LOXL2: variants seen among roughly 807,000 people sequenced by gnomAD.
The protein encoded by LOXL2 is lysyl oxidase like 2.
In LOXL2, 70 loss-of-function variants were observed where a neutral mutation model predicts 93.0. The ratio of observed to expected loss-of-function variants is 0.75; its 90% CI spans 0.62 to 0.92. The LOEUF is 0.92. Among genes scored for constraint, LOXL2 ranks in the 40% least tolerant of loss-of-function variants. The pLI is 0.00. For synonymous variants in LOXL2, 438 were observed against 413.2 expected (o/e 1.06, Z -0.73); for missense variants, 973 against 1,054.9 (o/e 0.92, Z 1.08).
chr8:23,394,281 T>A (rs991521061), intron 1 of LOXL2, among the ~76,000 whole-genome samples: 3 of 151,486 alleles, frequency 2.0e-5, no homozygotes, highest in Non-Finnish European at 2.9e-5. Context: ...TAGTCCCAGC[T>A]ACTCGGGAGG....
chr8:23,328,255 C>A (rs1176201488), intron 6 of LOXL2, 127 bp downstream of exon 6: 2 of 969,402 alleles, frequency 2.1e-6, no homozygotes, highest in Non-Finnish European at 1.6e-6. Context: ...GGATTCTCTC[C>A]CAGGCAGCCA....
intron 4 of LOXL2, among the ~76,000 whole-genome samples, chr8:23,338,269 G>A (rs1413403163): frequency 6.6e-6 from 1 of 152,028 alleles, no homozygotes; most frequent in African/African-American, 2.4e-5. Flanking sequence ...TGAGATTTGG[G>A]TGGGGACACA....
intron 1 of LOXL2, among the ~76,000 whole-genome samples, chr8:23,394,272 A>C (rs1169713092): frequency 6.6e-6 from 1 of 151,956 alleles, no homozygotes; most frequent in African/African-American, 2.4e-5. Flanking sequence ...GCGTGCCTGT[A>C]GTCCCAGCTA....
At chr8:23,385,765 A>C in intron 1 of LOXL2, 1 of 583,334 alleles carries the variant, frequency 1.7e-6, no homozygotes, top group East Asian at 2.8e-5. Context: ...TTCCAAAAGT[A>C]GAATAAAATA....
At chr8:23,378,364 T>C (rs4872120) in intron 1 of LOXL2, among the ~76,000 whole-genome samples, 75,532 of 151,828 alleles carry the variant, frequency 0.5, 19,197 homozygotes, top group East Asian at 0.67. Flanking sequence ...TCTCTGGCTG[T>C]CCTTAACATT....
At chr8:23,326,573 G>A (rs1585350934) in intron 6 of LOXL2, among the ~76,000 whole-genome samples, 1 of 152,200 alleles carries the variant, frequency 6.6e-6, no homozygotes, top group Non-Finnish European at 1.5e-5. Flanking sequence ...GGCCAACATG[G>A]TGAAACCCCG....
chr8:23,356,074 T>G (rs558363603), intron 3 of LOXL2, among the ~76,000 whole-genome samples: 1 of 152,300 alleles, frequency 6.6e-6, no homozygotes, highest in Admixed American at 6.5e-5. Flanking sequence ...GAAAGTTCAT[T>G]CCATAATTTT....
chr8:23,380,543 T>G (rs7814731), intron 1 of LOXL2, among the ~76,000 whole-genome samples: 107,025 of 151,960 alleles, frequency 0.7, 37,885 homozygotes, highest in East Asian at 0.83. Flanking sequence ...ATTTTTTGCC[T>G]CTTTTGTAGG....
chr8:23,368,160 C>G lies in LOXL2; in HGVS notation c.192G>C (p.Lys64Asn). ...AKIQLRLAGQ[K>N]RKHSEGRVEV... is the part of the protein sequence containing the mutation. ...CCACCCGGCCCTCGCTGTGCTTCCT[C>G]TTCTGCCCAGCCAGGCGCAGCTGAA... The change falls in exon 2 of 14, where the codon AAG (lysine) becomes AAC (asparagine). Residue 64 changes from lysine to asparagine, a missense_variant. By Grantham distance (94) the Lys-to-Asn change is moderately conservative. Coordinates refer to ENST00000389131, the MANE Select transcript of LOXL2 (RefSeq NM_002318.3). 6.2e-7 allele frequency: 1 copy of G among 1,614,158 alleles called. No homozygotes were observed. The highest frequency in any genetic ancestry group is 8.5e-7 in the Non-Finnish European group (1 of 1,180,016).
chr8:23,338,726 A>C (rs145374718), intron 4 of LOXL2, among the ~76,000 whole-genome samples: 2 of 152,312 alleles, frequency 1.3e-5, no homozygotes, highest in East Asian at 3.9e-4. Context: ...GGTGGTCCTC[A>C]GTCTGCCTTC....
rs992802677 is a variant in LOXL2 at position 23,312,351 on chromosome 8, G to T, written c.1637-2440C>A. ...GCTGGGCAGAGACACAACCAAAAAAGAGAATTTTAGACCAATATCCTTGAG... is the reference window on the plus strand; with the variant it reads ...GCTGGGCAGAGACACAACCAAAAAATAGAATTTTAGACCAATATCCTTGAG... On this transcript the variant is annotated intron_variant, in intron 9 of 13. Transcript: ENST00000389131. Among the ~76,000 whole-genome samples, 5 of 142,940 alleles carry T rather than the reference G, an allele frequency of 3.5e-5. 1 individual carries two copies. Among genetic ancestry groups the T allele is most frequent in the African/African-American group, 1.4e-4 (5 of 36,466 alleles). The allele number at this position is 142,940 out of a possible 152,430, so 93.8% of individuals were successfully genotyped here.
intron 10 of LOXL2, among the ~76,000 whole-genome samples, chr8:23,308,238 T>C (rs1043948074): frequency 2.0e-5 from 3 of 152,212 alleles, no homozygotes; most frequent in African/African-American, 4.8e-5. Flanking sequence ...CAACATCATC[T>C]AGACAACGGC....
chr8:23,328,487 T>TC lies in LOXL2; in HGVS notation c.1044dup (p.Thr349AspfsTer51). 1 of 1,613,964 alleles carries TC rather than the reference T, an allele frequency of 6.2e-7. No homozygotes were observed. The highest frequency in any genetic ancestry group is 8.5e-7 in the Non-Finnish European group (1 of 1,179,988). On this transcript the variant is annotated frameshift_variant, in exon 6 of 14. Coordinates refer to ENST00000389131, the MANE Select transcript of LOXL2 (RefSeq NM_002318.3). LOFTEE classifies it high-confidence loss of function. ...AGGTCCCACTTGTCGTCGCAGACGGTCCCCCATTCTCCATTTTTGAGCACC... is the reference window on the plus strand; with the variant it reads ...AGGTCCCACTTGTCGTCGCAGACGGTCCCCCCATTCTCCATTTTTGAGCACC...
chr8:23,391,692 A>T (rs1804846466), intron 1 of LOXL2, among the ~76,000 whole-genome samples: 1 of 152,218 alleles, frequency 6.6e-6, no homozygotes, highest in African/African-American at 2.4e-5. Flanking sequence ...CAAGCTTGGT[A>T]GGAAATGAAA....
chr8:23,319,670 T>C (rs1187023082), intron 8 of LOXL2, among the ~76,000 whole-genome samples: 3 of 151,878 alleles, frequency 2.0e-5, no homozygotes, highest in Admixed American at 6.6e-5. Context: ...AGCCGAGAAA[T>C]AGAGGCAGAG....
rs144826244 is a variant in LOXL2 at position 23,368,454 on chromosome 8, C to T, written c.-83-20G>A. The T allele has an allele frequency of 2.1e-3, 1,985 of 946,678 alleles. 6 individuals are homozygous for T. Among genetic ancestry groups the T allele is most frequent in the African/African-American group, 0.014 (880 of 62,548 alleles). The allele number at this position is 946,678 out of a possible 1,614,324, so 58.6% of individuals were successfully genotyped here. A position where few individuals can be genotyped will look rare whatever the true frequency, so the allele number is the denominator to read the frequency against. On this transcript the variant is annotated intron_variant, in intron 1 of 13. Transcript: ENST00000389131. Reference sequence around the variant, plus strand: ...AGCTTTCTGGAAGAGAGGAGAGATGCGTTAGGATGGGAACGTGGGGCTACG... The same window carrying T: ...AGCTTTCTGGAAGAGAGGAGAGATGTGTTAGGATGGGAACGTGGGGCTACG...
At position 23,333,639 on chromosome 8, in the gene LOXL2, G is replaced by A. The variant is rs199523323; in HGVS notation, c.744-16C>T. 3.5e-5 allele frequency: 56 copies of A among 1,600,302 alleles called. No individual in the cohort carries two copies. In the African/African-American group the frequency reaches 6.7e-4, roughly 19 times the overall value. On this transcript the variant is annotated splice_polypyrimidine_tract_variant and intron_variant, in intron 4 of 13. Transcript: ENST00000389131. The stretch of plus-strand genomic sequence containing the variant: ...GGCAAACATTCTGCAGACGATGGGA[G>A]GGGACAGGGGACCAGGGCATCATGA...
chr8:23,355,512 CTTTTTTTTTTTTTTTTT>C (rs58824822), intron 3 of LOXL2, among the ~76,000 whole-genome samples: 4 of 80,320 alleles, frequency 5.0e-5, no homozygotes, highest in Non-Finnish European at 6.8e-5. Flanking sequence ...TTGACATTCA[CTTTTTTTTTTTTTTTTT>C]TTTTTTTTTT....
chr8:23,333,358 C>G (rs1397140602), intron 5 of LOXL2, 43 bp downstream of exon 5: 3 of 1,570,828 alleles, frequency 1.9e-6, no homozygotes, highest in Non-Finnish European at 2.6e-6. Context: ...CCCTCCCATC[C>G]CCTCCAGGTG....
Sources: allele counts gnomAD v4.1 joint callset (sites outside exome capture counted in the v4.1 genomes callset), GRCh38; gene constraint gnomAD v4.1.1; transcripts MANE v1.5; gene names NCBI Gene and HGNC (gene_info 2026-07-23, HGNC 2026-07-21).